Variants in PBK observed in about 807,000 individuals in gnomAD.
PBK encodes lymphokine-activated killer T-cell-originated protein kinase.
A neutral mutation model predicts 33.5 loss-of-function variants in PBK; 22 were observed. The observed-to-expected ratio is 0.66, with a 90% confidence interval of 0.47 to 0.94. PBK has a LOEUF of 0.94. Among genes scored for constraint, PBK ranks in the 40% least tolerant of loss-of-function variants. PBK has a pLI of 0.00. For synonymous variants in PBK, 129 were observed against 123.8 expected (o/e 1.04, Z -0.28); for missense variants, 376 against 383.4 (o/e 0.98, Z 0.16).
chr8:27,820,833 T>A (rs1805912373), intron 5 of PBK, 139 bp from the exon 6 acceptor site: 1 of 513,154 alleles, frequency 1.9e-6, no homozygotes, highest in East Asian at 3.7e-5. Context: ...AATTTTTTTT[T>A]TTTTTTTTAA....
intron 3 of PBK, 143 bp downstream of exon 3, chr8:27,827,962 A>G (rs1322892087): frequency 1.4e-5 from 7 of 493,322 alleles, no homozygotes; most frequent in Admixed American, 1.3e-4. Context: ...AAAAGGGTCT[A>G]GGGACCGGAA....
chr8:27,813,112 T>A (rs1245923494), intron 6 of PBK, among the ~76,000 whole-genome samples: 1 of 152,186 alleles, frequency 6.6e-6, no homozygotes, highest in East Asian at 1.9e-4. Flanking sequence ...ATGTGGCACA[T>A]ATACACCATG....
rs560887670 is a variant in PBK at position 27,813,003 on chromosome 8, A to G, written c.596-1869T>C. Among the ~76,000 whole-genome samples the G allele has an allele frequency of 1.1e-4, 17 of 152,338 alleles. 1 individual carries two copies. Among genetic ancestry groups the G allele is most frequent in the Middle Eastern group, 3.4e-3 (1 of 294 alleles). On this transcript the variant is annotated intron_variant, in intron 6 of 7. Coordinates refer to ENST00000301905, the MANE Select transcript of PBK (RefSeq NM_018492.4). The stretch of plus-strand genomic sequence containing the variant: ...CCAAAGGATTAGAAATCATGCTACT[A>G]TAAAGACACATGTACACGTTTATGT...
At position 27,822,394 on chromosome 8, in the gene PBK, T is replaced by C; in HGVS notation, c.390A>G (p.Arg130=). 1 of 1,613,560 alleles carries C rather than the reference T, an allele frequency of 6.2e-7. No individual in the cohort carries two copies. Among genetic ancestry groups the C allele is most frequent in the East Asian group, 2.2e-5 (1 of 44,830 alleles). ...EKSLNDLIEE[R]YKASQDPFPA... ...GAAAAGGATCTTGGCTGGCTTTATA[T>C]CGTTCTTCTATTAAGTCATTTAGAG... The change falls in exon 5 of 8, where the codon CGA becomes CGG. Residue 130 remains arginine, a synonymous_variant. Coordinates refer to ENST00000301905, the MANE Select transcript of PBK (RefSeq NM_018492.4).
chr8:27,828,072 T>C, intron 3 of PBK, 33 bp downstream of exon 3: 1 of 995,960 alleles, frequency 1.0e-6, no homozygotes, highest in Non-Finnish European at 1.6e-6. Flanking sequence ...TATAGTTGCA[T>C]GAAAAAAGGT....
chr8:27,834,937 C>T (rs1460222675), intron 1 of PBK, among the ~76,000 whole-genome samples: 1 of 151,708 alleles, frequency 6.6e-6, no homozygotes, highest in Non-Finnish European at 1.5e-5. Flanking sequence ...GTACATACCA[C>T]ATATATAAAC....
chr8:27,813,922 G>GTA (rs1805757217), intron 6 of PBK, among the ~76,000 whole-genome samples: 1 of 151,814 alleles, frequency 6.6e-6, no homozygotes, highest in Non-Finnish European at 1.5e-5. Context: ...TTTCTTATCA[G>GTA]TTTATTTTTC....
intron 6 of PBK, among the ~76,000 whole-genome samples, 168 bp downstream of exon 6, chr8:27,820,397 G>T (rs1246393159): frequency 6.6e-6 from 1 of 152,096 alleles, no homozygotes; most frequent in African/African-American, 2.4e-5. Context: ...TGTACATGTG[G>T]CAAGGGAGAA....
intron 6 of PBK, among the ~76,000 whole-genome samples, chr8:27,813,091 G>A (rs1012670244): frequency 1.3e-5 from 2 of 152,174 alleles, no homozygotes; most frequent in Non-Finnish European, 2.9e-5. Flanking sequence ...GTCAATGACT[G>A]GATTAAGAAA....
intron 2 of PBK, among the ~76,000 whole-genome samples, chr8:27,832,574 T>C (rs1251599146): frequency 2.0e-5 from 3 of 152,168 alleles, no homozygotes; most frequent in Non-Finnish European, 4.4e-5. Flanking sequence ...ATATGAAAAA[T>C]CTGTCACTAG....
Position 27,828,105 on chromosome 8 carries a change from CT to C in PBK, c.151del (p.Arg51AspfsTer13). ...GTGVNVYLMK[R>X]SPRGLSHSPW... ...GGTTAATCTGAAATCTTATACTTAC[CT>C]TTTCATTAGGTACACATTTACCCCA... On this transcript the variant is annotated frameshift_variant and splice_region_variant, in exon 3 of 8. Transcript: ENST00000301905. LOFTEE classifies it high-confidence loss of function. 2 of 1,402,774 alleles carry C rather than the reference CT, an allele frequency of 1.4e-6. No individual in the cohort carries two copies. The highest frequency in any genetic ancestry group is 1.0e-6 in the Non-Finnish European group (1 of 991,128). 86.9% of individuals were successfully genotyped at this position (1,402,774 alleles called of 1,614,324 possible).
intron 6 of PBK, among the ~76,000 whole-genome samples, chr8:27,819,981 GTTTAACT>G (rs1563490804): frequency 2.0e-5 from 3 of 151,962 alleles, no homozygotes; most frequent in African/African-American, 7.3e-5. Flanking sequence ...TTAACCATTT[GTTTAACT>G]TCTGTTGATA....
At chr8:27,818,107 G>A (rs1253854616) in intron 6 of PBK, among the ~76,000 whole-genome samples, 3 of 152,166 alleles carry the variant, frequency 2.0e-5, no homozygotes, top group Non-Finnish European at 4.4e-5. Context: ...TGTTCCATCA[G>A]TATAAGTCCT....
chr8:27,818,109 A>G (rs34633208), intron 6 of PBK, among the ~76,000 whole-genome samples: 39,086 of 152,144 alleles, frequency 0.26, 6,044 homozygotes, highest in Middle Eastern at 0.36. Flanking sequence ...TTCCATCAGT[A>G]TAAGTCCTAA....
chr8:27,811,406 A>T, intron 6 of PBK: 1 of 542,682 alleles, frequency 1.8e-6, no homozygotes, highest in Non-Finnish European at 3.3e-6. Flanking sequence ...TTGAGATTAC[A>T]GACTCTGGAG....
chr8:27,820,324 A>AAAGAT (rs1805894898), intron 6 of PBK, among the ~76,000 whole-genome samples: 1 of 152,178 alleles, frequency 6.6e-6, no homozygotes, highest in Admixed American at 6.5e-5. Context: ...AATATTTCCC[A>AAAGAT]AAGATAACTC....
chr8:27,817,282 T>A (rs557353422), intron 6 of PBK, among the ~76,000 whole-genome samples: 1 of 152,080 alleles, frequency 6.6e-6, no homozygotes, highest in East Asian at 1.9e-4. Flanking sequence ...AAACCCAGGG[T>A]TTATGGCTAC....
intron 5 of PBK, among the ~76,000 whole-genome samples, 179 bp from the exon 6 acceptor site, chr8:27,820,873 G>A (rs1052352459): frequency 9.9e-5 from 15 of 150,890 alleles, no homozygotes; most frequent in Non-Finnish European, 1.5e-4. Flanking sequence ...GCCCAGGCTG[G>A]CATGCAGTGG....
intron 2 of PBK, 76 bp from the exon 3 acceptor site, chr8:27,828,274 T>C (rs1806065216): frequency 8.0e-6 from 5 of 623,786 alleles, no homozygotes; most frequent in South Asian, 6.9e-5. Context: ...AATATACTAC[T>C]GCCAAGAGTA....
Sources: allele counts gnomAD v4.1 joint callset (sites outside exome capture counted in the v4.1 genomes callset), GRCh38; gene constraint gnomAD v4.1.1; transcripts MANE v1.5; gene names NCBI Gene and HGNC (gene_info 2026-07-23, HGNC 2026-07-21).